The following SLC19A2 variants were observed in gnomAD, a reference collection of about 807,000 sequenced individuals.
The protein encoded by SLC19A2 is solute carrier family 19 member 2.
In SLC19A2, 27 loss-of-function variants were observed where a neutral mutation model predicts 44.7. The observed-to-expected ratio is 0.60, with a 90% CI of 0.45 to 0.83. SLC19A2 has a LOEUF of 0.83. Ranked by LOEUF, SLC19A2 falls within the 40% of genes least tolerant of loss-of-function variation. The pLI is 0.00. For missense variants in SLC19A2, 566 were observed against 613.7 expected (o/e 0.92, Z 0.82); for synonymous variants, 239 against 243.6 (o/e 0.98, Z 0.18).
In SLC19A2 at chr1:169,479,705, T is replaced by C. The variant is rs989649882; in HGVS notation, c.205-1948A>G. 5.9e-5 allele frequency among the ~76,000 whole-genome samples: 9 copies of C among 152,356 alleles called. No individual in the cohort carries two copies. In the South Asian group the frequency reaches 6.2e-4, roughly 11 times the overall value. On this transcript the variant is annotated intron_variant, in intron 1 of 5. Coordinates refer to ENST00000236137, the MANE Select transcript of SLC19A2 (RefSeq NM_006996.3). ...ACAATCACTGTAGGAGATTTTTCCTTCCTTTTGTCAGTGGCCTCAACTTTT... is the reference window on the plus strand; with the variant it reads ...ACAATCACTGTAGGAGATTTTTCCTCCCTTTTGTCAGTGGCCTCAACTTTT...
Position 169,485,772 on chromosome 1 carries a change from G to A in SLC19A2, c.-6C>T, listed in dbSNP as rs1327985932. The A allele has an allele frequency of 2.6e-6, 4 of 1,528,938 alleles. No individual in the cohort carries two copies. The highest frequency in any genetic ancestry group is 3.5e-6 in the Non-Finnish European group (4 of 1,143,188). 94.7% of individuals were successfully genotyped at this position (1,528,938 alleles called of 1,614,324 possible). The stretch of plus-strand genomic sequence containing the variant: ...ACCGGGCCGGGCACATCCATCCGGG[G>A]CGCGAGGGGAGGGGACCCGGCCCGG... On this transcript the variant is annotated 5_prime_UTR_variant, in exon 1 of 6. Coordinates refer to ENST00000236137, the MANE Select transcript of SLC19A2 (RefSeq NM_006996.3).
Position 169,485,911 on chromosome 1 carries a change from A to G in SLC19A2, c.-145T>C, listed in dbSNP as rs989531879. The G allele has an allele frequency of 3.0e-5, 29 of 969,102 alleles. 1 individual carries two copies. The highest frequency in any genetic ancestry group is 5.0e-5 in the African/African-American group (3 of 60,234). 60.0% of individuals were successfully genotyped at this position (969,102 alleles called of 1,614,324 possible). A position where few individuals can be genotyped will look rare whatever the true frequency, so the allele number is the denominator to read the frequency against. On this transcript the variant is annotated 5_prime_UTR_variant, in exon 1 of 6. Transcript: ENST00000236137. ...TCTGGACTCGCCGCCGCCTCCGGCT[A>G]CAGAACCCCCAGCTTTACCCTACAG...
At position 169,485,939 on chromosome 1, in the gene SLC19A2, G is replaced by C; in HGVS notation, c.-173C>G. 1 of 764,032 alleles carries C rather than the reference G, an allele frequency of 1.3e-6. No individual in the cohort carries two copies. The highest frequency in any genetic ancestry group is 1.9e-5 in the South Asian group (1 of 53,698). 47.3% of individuals were successfully genotyped at this position (764,032 alleles called of 1,614,324 possible). ...GAACCCCCAGCTTTACCCTACAGAC[G>C]CCTCTAGGGTCGCTGCCTGATCGCC... On this transcript the variant is annotated 5_prime_UTR_variant, in exon 1 of 6. Coordinates refer to ENST00000236137, the MANE Select transcript of SLC19A2 (RefSeq NM_006996.3).
At chr1:169,475,806 T>C (rs560848147) in intron 2 of SLC19A2, among the ~76,000 whole-genome samples, 1 of 152,324 alleles carries the variant, frequency 6.6e-6, no homozygotes, top group South Asian at 2.1e-4. Context: ...CCAGGCTCTC[T>C]GGGATGATAA....
chr1:169,469,581 A>G (rs1242064270), intron 3 of SLC19A2, among the ~76,000 whole-genome samples: 1 of 152,202 alleles, frequency 6.6e-6, no homozygotes, highest in Admixed American at 6.5e-5. Flanking sequence ...ATGTCCATAG[A>G]ACAGTACCTA....
At chr1:169,468,884 G>C in intron 3 of SLC19A2, 48 bp from the exon 4 acceptor site, 1 of 1,536,424 alleles carries the variant, frequency 6.5e-7, no homozygotes, top group Non-Finnish European at 9.0e-7. Context: ...CACAAATGCT[G>C]TTGCAATAAA....
rs1365937506 is a variant in SLC19A2 at position 169,477,071 on chromosome 1, C to G, written c.807+84G>C. On this transcript the variant is annotated intron_variant, in intron 2 of 5. Transcript: ENST00000236137. ...ACATGAATCCAAATAAATACAAGAT[C>G]TACCAAGAGGGAGTTTGCTGTTTTT... 9 of 1,442,758 alleles carry G rather than the reference C, an allele frequency of 6.2e-6. No individual in the cohort carries two copies. The East Asian group carries it at 1.8e-4, about 29-fold the overall frequency. The allele number at this position is 1,442,758 out of a possible 1,614,324, so 89.4% of individuals were successfully genotyped here.
intron 1 of SLC19A2, among the ~76,000 whole-genome samples, chr1:169,483,076 C>T (rs1658478677): frequency 6.6e-6 from 1 of 152,188 alleles, no homozygotes; most frequent in Non-Finnish European, 1.5e-5. Context: ...CTGCTTAAAA[C>T]TTACACACTG....
intron 1 of SLC19A2, among the ~76,000 whole-genome samples, chr1:169,484,261 T>G (rs1283132912): frequency 6.6e-6 from 1 of 152,230 alleles, no homozygotes; most frequent in East Asian, 1.9e-4. Context: ...ACAAACAAAC[T>G]GCAAACAACA....
chr1:169,485,963 C>T (rs1412887812), upstream of SLC19A2: 1 of 657,336 alleles, frequency 1.5e-6, no homozygotes, highest in Non-Finnish European at 2.5e-6. Context: ...TGCCTGATCG[C>T]CCAGTTTAAG....
At chr1:169,479,799 C>T (rs374425677) in intron 1 of SLC19A2, among the ~76,000 whole-genome samples, 1 of 152,202 alleles carries the variant, frequency 6.6e-6, no homozygotes, top group East Asian at 1.9e-4. Flanking sequence ...TAATCCCAGA[C>T]TTTTACATTC....
At chr1:169,478,504 G>A (rs1360266072) in intron 1 of SLC19A2, among the ~76,000 whole-genome samples, 1 of 131,364 alleles carries the variant, frequency 7.6e-6, no homozygotes, top group Non-Finnish European at 1.6e-5. Context: ...CTACAGGCCT[G>A]TACTACCACA....
Position 169,477,770 on chromosome 1 carries a change from GA to G in SLC19A2, c.205-14del, listed in dbSNP as rs755410874. On this transcript the variant is annotated splice_polypyrimidine_tract_variant and intron_variant, in intron 1 of 5. Coordinates refer to ENST00000236137, the MANE Select transcript of SLC19A2 (RefSeq NM_006996.3). ...TTTCATTGAAGACCTGGTAGAAAGA[GA>G]AAAAAAAAAAACAAAAAACATTAGT... is the stretch of plus-strand genomic sequence containing the variant. 7,106 of 1,189,452 alleles carry G rather than the reference GA, an allele frequency of 6.0e-3. No individual in the cohort carries two copies. Among genetic ancestry groups the G allele is most frequent in the Admixed American group, 0.012 (465 of 39,842 alleles). The allele number at this position is 1,189,452 out of a possible 1,614,324, so 73.7% of individuals were successfully genotyped here. A position where few individuals can be genotyped will look rare whatever the true frequency, so the allele number is the denominator to read the frequency against.
At chr1:169,471,573 G>A (rs1335471013) in intron 2 of SLC19A2, among the ~76,000 whole-genome samples, 1 of 146,976 alleles carries the variant, frequency 6.8e-6, no homozygotes, top group Non-Finnish European at 1.5e-5. Flanking sequence ...ACTGAGGTGG[G>A]AGGATCACTT....
intron 2 of SLC19A2, 151 bp downstream of exon 2, chr1:169,477,004 G>T: frequency 1.1e-6 from 1 of 904,794 alleles, no homozygotes; most frequent in Non-Finnish European, 1.8e-6. Context: ...TTGAATGAAT[G>T]AATGAATGAA....
chr1:169,480,241 G>A (rs1349621830), intron 1 of SLC19A2, among the ~76,000 whole-genome samples: 1 of 152,164 alleles, frequency 6.6e-6, no homozygotes, highest in Admixed American at 6.5e-5. Context: ...GTAATCTTGA[G>A]ATTTCCAGTT....
chr1:169,470,177 G>C lies in SLC19A2; in HGVS notation c.817C>G (p.Pro273Ala). 2 of 1,613,838 alleles carry C rather than the reference G, an allele frequency of 1.2e-6. No individual in the cohort carries two copies. Among genetic ancestry groups the C allele is most frequent in the East Asian group, 2.2e-5 (1 of 44,876 alleles). The change falls in exon 3 of 6, where the codon CCA (proline) becomes GCA (alanine). Residue 273 changes from proline (P) to alanine (A), a missense_variant. Coordinates refer to ENST00000236137, the MANE Select transcript of SLC19A2 (RefSeq NM_006996.3). ...EPPVEEPEPK[P>A]DRLLVLKVLW... is the part of the protein sequence containing the mutation. ...ACTTTCAATACAAGGAGACGGTCTG[G>C]CTTGGGTTCCTACATAGCAAAAGGG...
rs1255659641 is a variant in SLC19A2 at position 169,477,137 on chromosome 1, A to T, written c.807+18T>A. 2.5e-6 allele frequency: 4 copies of T among 1,613,116 alleles called. No homozygotes were observed. In the South Asian group the frequency reaches 4.4e-5, roughly 18 times the overall value. On this transcript the variant is annotated intron_variant, in intron 2 of 5. Coordinates refer to ENST00000236137, the MANE Select transcript of SLC19A2 (RefSeq NM_006996.3). ...GCCCCCATAGTAGCAATTACAAGAT[A>T]TTTAAGGCTGAGCTTACCGGTTCCT... is the stretch of plus-strand genomic sequence containing the variant.
At chr1:169,473,550 T>C (rs527279470) in intron 2 of SLC19A2, among the ~76,000 whole-genome samples, 7 of 151,994 alleles carry the variant, frequency 4.6e-5, no homozygotes, top group African/African-American at 1.7e-4. Flanking sequence ...CCAGCCTGAG[T>C]TGGAAAGTTT....
Sources: allele counts gnomAD v4.1 joint callset (sites outside exome capture counted in the v4.1 genomes callset), GRCh38; gene constraint gnomAD v4.1.1; transcripts MANE v1.5; gene names NCBI Gene and HGNC (gene_info 2026-07-23, HGNC 2026-07-21).